The following MAF variants were observed in gnomAD, a reference collection of about 807,000 sequenced individuals.
MAF encodes the protein MAF bZIP transcription factor, also known as transcription factor Maf.
MAF carries 10 observed loss-of-function variants against 22.0 expected under a neutral mutation model. That is an observed-to-expected ratio of 0.45 (90% CI 0.28 to 0.77). The LOEUF (loss-of-function observed/expected upper bound fraction) is 0.77. Among genes scored for constraint, MAF ranks in the 30% least tolerant of loss-of-function variants. MAF has a pLI of 0.12. For synonymous variants in MAF, 337 were observed against 255.8 expected (o/e 1.32, Z -3.03); for missense variants, 544 against 548.4 (o/e 0.99, Z 0.08).
chr16:79,394,974 G>C, the MAF span, among the ~76,000 whole-genome samples: 1 of 152,170 alleles, frequency 6.6e-6, no homozygotes, highest in South Asian at 2.1e-4. Flanking sequence ...AGAGCATATA[G>C]CACAGAGCTT....
At chr16:79,426,008 C>T in the MAF span, among the ~76,000 whole-genome samples, 1 of 152,124 alleles carries the variant, frequency 6.6e-6, no homozygotes, top group African/African-American at 2.4e-5. Flanking sequence ...AGATCGAGAC[C>T]ATCCTGGCTA....
At chr16:79,227,415 G>C in the MAF span, among the ~76,000 whole-genome samples, 22 of 152,226 alleles carry the variant, frequency 1.4e-4, no homozygotes, top group African/African-American at 5.3e-4. Flanking sequence ...ATTGCTGTGT[G>C]TGTATGAACA....
chr16:79,527,226 C>T, the MAF span, among the ~76,000 whole-genome samples: 4 of 152,116 alleles, frequency 2.6e-5, no homozygotes, highest in Admixed American at 6.5e-5. Flanking sequence ...TACAATTGAC[C>T]ACAAAATATC....
At chr16:79,345,720 C>G in the MAF span, among the ~76,000 whole-genome samples, 1 of 95,500 alleles carries the variant, frequency 1.0e-5, no homozygotes, top group Admixed American at 1.3e-4. Flanking sequence ...GAGCAAGACT[C>G]CGTCTCAAAA....
the MAF span, among the ~76,000 whole-genome samples, chr16:79,521,705 G>C: frequency 6.6e-6 from 1 of 152,170 alleles, no homozygotes; most frequent in Non-Finnish European, 1.5e-5. Context: ...TTGTCTCCGA[G>C]ACTCAGTTTT....
the MAF span, among the ~76,000 whole-genome samples, chr16:79,350,116 C>A: frequency 6.6e-6 from 1 of 152,204 alleles, no homozygotes; most frequent in Admixed American, 6.5e-5. Flanking sequence ...CCAACCCCAG[C>A]TCTTGTCAGC....
the MAF span, among the ~76,000 whole-genome samples, chr16:79,296,947 A>C: frequency 6.6e-6 from 1 of 152,132 alleles, no homozygotes; most frequent in Non-Finnish European, 1.5e-5. Context: ...TTTTTGGAAA[A>C]AGCAAATCCC....
chr16:79,367,938 A>G, the MAF span, among the ~76,000 whole-genome samples: 3 of 152,334 alleles, frequency 2.0e-5, no homozygotes, highest in Admixed American at 2.0e-4. Flanking sequence ...CAAAGAGAAA[A>G]TAAATGGCCA....
intron 1 of MAF, chr16:79,596,644 AT>A: frequency 9.6e-7 from 1 of 1,038,200 alleles, no homozygotes; most frequent in Non-Finnish European, 1.2e-6. Context: ...AACTGACAAG[AT>A]TTTTTTATAT....
At chr16:79,458,109 A>AGTGTGTGTGTGTGTGTGTGT in the MAF span, among the ~76,000 whole-genome samples, 3,103 of 136,342 alleles carry the variant, frequency 0.023, 100 homozygotes, top group Non-Finnish European at 0.033. Context: ...GGTATGTATA[A>AGTGTGTGTGTGTGTGTGTGT]GTGTGTGTGT....
the MAF span, among the ~76,000 whole-genome samples, chr16:79,257,862 T>A: frequency 9.9e-5 from 15 of 152,214 alleles, no homozygotes; most frequent in Admixed American, 2.0e-4. Context: ...ATGCTATTTT[T>A]GAAAGGCATA....
chr16:79,280,383 A>G, the MAF span, among the ~76,000 whole-genome samples: 7 of 152,208 alleles, frequency 4.6e-5, no homozygotes, highest in Non-Finnish European at 1.0e-4. Context: ...AACTATTAAA[A>G]CATAACCTCT....
the MAF span, among the ~76,000 whole-genome samples, chr16:79,497,254 A>T: frequency 6.6e-6 from 1 of 152,194 alleles, no homozygotes; most frequent in Non-Finnish European, 1.5e-5. Flanking sequence ...TACAGAAGAA[A>T]AAAAGGCTTA....
the MAF span, among the ~76,000 whole-genome samples, chr16:79,510,879 A>T: frequency 2.0e-5 from 3 of 152,182 alleles, no homozygotes; most frequent in East Asian, 5.8e-4. Flanking sequence ...GTGTGTCTAT[A>T]TGTGTGGTTG....
chr16:79,385,907 A>G, the MAF span, among the ~76,000 whole-genome samples: 10 of 152,218 alleles, frequency 6.6e-5, no homozygotes, highest in African/African-American at 2.4e-4. Flanking sequence ...TCTGTAACGA[A>G]AAACAAACAA....
At chr16:79,456,043 T>C in the MAF span, among the ~76,000 whole-genome samples, 1 of 151,966 alleles carries the variant, frequency 6.6e-6, no homozygotes, top group Non-Finnish European at 1.5e-5. Context: ...AAAAAATAAA[T>C]AAAAACAAAT....
the MAF span, among the ~76,000 whole-genome samples, chr16:79,522,002 G>C: frequency 6.6e-6 from 1 of 152,186 alleles, no homozygotes; most frequent in African/African-American, 2.4e-5. Flanking sequence ...AATGGCAATT[G>C]CAAGAAAATG....
the MAF span, among the ~76,000 whole-genome samples, chr16:79,499,777 A>G: frequency 1.3e-5 from 2 of 152,184 alleles, no homozygotes; most frequent in African/African-American, 4.8e-5. Flanking sequence ...TAAGCTACCC[A>G]ATATTTTGTT....
chr16:79,480,805 C>G, the MAF span, among the ~76,000 whole-genome samples: 1 of 152,140 alleles, frequency 6.6e-6, no homozygotes, highest in Non-Finnish European at 1.5e-5. Flanking sequence ...TCATCAAACC[C>G]CATTCCCTTC....
Sources: gnomAD v4.1 joint callset for allele counts (sites outside exome capture counted in the v4.1 genomes callset) on GRCh38, gnomAD v4.1.1 for gene constraint, MANE v1.5 for transcripts, NCBI Gene and HGNC (gene_info 2026-07-23, HGNC 2026-07-21) for gene names.